The following FARP2 variants were observed in gnomAD, a reference collection of about 807,000 sequenced individuals.
FARP2 encodes FERM, ARHGEF and pleckstrin domain-containing protein 2.
A neutral mutation model predicts 130.5 loss-of-function variants in FARP2; 111 were observed. The ratio of observed to expected loss-of-function variants is 0.85; its 90% confidence interval spans 0.73 to 1.00. The LOEUF is 1.00. Among genes scored for constraint, FARP2 ranks in the 50% least tolerant of loss-of-function variants. The probability of loss-of-function intolerance (pLI) is 0.00; values close to 1 mark genes in which losing one functional copy is unlikely to be tolerated. For missense variants in FARP2, 1,385 were observed against 1,346.3 expected (o/e 1.03, Z -0.45); for synonymous variants, 504 against 516.9 (o/e 0.98, Z 0.34).
intron 1 of FARP2, among the ~76,000 whole-genome samples, chr2:241,357,287 T>C (rs1252875189): frequency 1.3e-5 from 2 of 152,236 alleles, no homozygotes. Flanking sequence ...AAATGTTTGA[T>C]AACCCTGAGG....
intron 19 of FARP2, chr2:241,478,373 T>G: frequency 1.0e-5 from 2 of 199,332 alleles, no homozygotes; most frequent in South Asian, 1.8e-4. Flanking sequence ...GGGGGCGACC[T>G]GTGCTGCTGC....
intron 18 of FARP2, among the ~76,000 whole-genome samples, chr2:241,472,175 C>A (rs1195704538): frequency 1.4e-5 from 2 of 147,342 alleles, no homozygotes; most frequent in Admixed American, 1.3e-4. Context: ...TTAGGGGGAT[C>A]CTGTTCTGAG....
chr2:241,456,956 G>T (rs758045934), intron 14 of FARP2, 34 bp downstream of exon 14: 16 of 1,534,882 alleles, frequency 1.0e-5, no homozygotes, highest in Middle Eastern at 1.9e-4. Context: ...CTAGCAGAGG[G>T]TTGCAGGGTG....
Position 241,356,845 on chromosome 2 carries a change from G to A in FARP2, c.-25+457G>A, listed in dbSNP as rs537806432. Among the ~76,000 whole-genome samples the A allele has an allele frequency of 4.6e-5, 7 of 152,394 alleles. No individual in the cohort carries two copies. In the South Asian group the frequency reaches 1.4e-3, roughly 32 times the overall value. On this transcript the variant is annotated intron_variant, in intron 1 of 26. Coordinates refer to ENST00000264042, the MANE Select transcript of FARP2 (RefSeq NM_014808.4). ...CAGGGTATGGGCCTGGAGGTGCCTG[G>A]TGGAGGCATTTTGAGCCGTTTGCCT... is the stretch of plus-strand genomic sequence containing the variant.
intron 2 of FARP2, among the ~76,000 whole-genome samples, chr2:241,402,107 A>G (rs907971877): frequency 6.6e-6 from 1 of 152,182 alleles, no homozygotes; most frequent in Non-Finnish European, 1.5e-5. Flanking sequence ...CCAATTCTTT[A>G]CTGAATTTGT....
intron 2 of FARP2, among the ~76,000 whole-genome samples, chr2:241,377,097 C>T (rs62193205): frequency 0.11 from 16,783 of 152,154 alleles, 1,179 homozygotes; most frequent in Non-Finnish European, 0.15. Context: ...TGGCCATATG[C>T]ACCTATCTTA....
Position 241,479,082 on chromosome 2 carries a change from G to C in FARP2, c.2262+3095G>C, listed in dbSNP as rs112732446. Reference sequence around the variant, plus strand: ...GTCCAGGAAGCTTGGCTGCGAGAAGGAACCTGCTTTTGATCATTTTTCTAG... The same window carrying C: ...GTCCAGGAAGCTTGGCTGCGAGAAGCAACCTGCTTTTGATCATTTTTCTAG... On this transcript the variant is annotated intron_variant, in intron 19 of 26. Coordinates refer to ENST00000264042, the MANE Select transcript of FARP2 (RefSeq NM_014808.4). 1,036 of 489,402 alleles carry C rather than the reference G, an allele frequency of 2.1e-3. 15 individuals are homozygous for C. The highest frequency in any genetic ancestry group is 0.018 in the African/African-American group (917 of 49,628). 30.3% of individuals were successfully genotyped at this position (489,402 alleles called of 1,614,324 possible). A position where few individuals can be genotyped will look rare whatever the true frequency, so the allele number is the denominator to read the frequency against.
Position 241,494,002 on chromosome 2 carries a change from C to T in FARP2, c.3048-6C>T. Reference sequence around the variant, plus strand: ...TCACTGGTCTGATGGCCGCCCTCTCCTCCAGGTGGATGGAGGTGATCCAGG... The same window carrying T: ...TCACTGGTCTGATGGCCGCCCTCTCTTCCAGGTGGATGGAGGTGATCCAGG... On this transcript the variant is annotated splice_polypyrimidine_tract_variant and splice_region_variant and intron_variant, in intron 26 of 26. Coordinates refer to ENST00000264042, the MANE Select transcript of FARP2 (RefSeq NM_014808.4). This position sits in a 1 kb window ranked among gnomAD's most constrained non-coding sequence, Gnocchi z 4.9. The T allele has an allele frequency of 1.4e-6, 2 of 1,387,630 alleles. No homozygotes were observed. The highest frequency in any genetic ancestry group is 5.5e-5 in the East Asian group (2 of 36,212). The allele number at this position is 1,387,630 out of a possible 1,614,324, so 86.0% of individuals were successfully genotyped here. A position where few individuals can be genotyped will look rare whatever the true frequency, so the allele number is the denominator to read the frequency against.
At chr2:241,374,605 G>C (rs1021734426) in intron 2 of FARP2, among the ~76,000 whole-genome samples, 2 of 152,212 alleles carry the variant, frequency 1.3e-5, no homozygotes, top group Admixed American at 6.5e-5. Context: ...CAGAGGAGGG[G>C]AGCTTGGTGG....
In FARP2 at chr2:241,413,302, C is replaced by A; in HGVS notation, c.509-5C>A. The A allele has an allele frequency of 6.3e-7, 1 of 1,575,762 alleles. No individual in the cohort carries two copies. Among genetic ancestry groups the A allele is most frequent in the South Asian group, 1.1e-5 (1 of 87,332 alleles). On this transcript the variant is annotated splice_region_variant and splice_polypyrimidine_tract_variant and intron_variant, in intron 6 of 26. Transcript: ENST00000264042. ...AATTAGTTACTTACTTTTAACCTATCTCAGCGGAAATAGGAGATTACGATG... is the reference window on the plus strand; with the variant it reads ...AATTAGTTACTTACTTTTAACCTATATCAGCGGAAATAGGAGATTACGATG...
At position 241,491,681 on chromosome 2, in the gene FARP2, T is replaced by C. The variant is rs780613900; in HGVS notation, c.2787+2T>C. 5.0e-6 allele frequency: 8 copies of C among 1,590,898 alleles called. No homozygotes were observed. In the South Asian group the frequency reaches 6.8e-5, roughly 13 times the overall value. On this transcript the variant is annotated splice_donor_variant, in intron 24 of 26. Transcript: ENST00000264042. LOFTEE classifies it high-confidence loss of function. ...GCAGACCACAGTGCAGCTGTCGAGG[T>C]ACGACCGCATGAGCACCACCTCAGT...
rs1017069654 is a variant in FARP2 at position 241,494,837 on chromosome 2, C to T, written c.*712C>T. On this transcript the variant is annotated 3_prime_UTR_variant, in exon 27 of 27. Coordinates refer to ENST00000264042, the MANE Select transcript of FARP2 (RefSeq NM_014808.4). This position sits in a 1 kb window ranked among gnomAD's most constrained non-coding sequence, Gnocchi z 4.9. ...GATTAAAAATAAACAAACAGCATCTCCCCACCTGCATTCTCCTCTGCCTGC... is the reference window on the plus strand; with the variant it reads ...GATTAAAAATAAACAAACAGCATCTTCCCACCTGCATTCTCCTCTGCCTGC... 6.6e-6 allele frequency: 1 copy of T among 152,206 alleles called. No homozygotes were observed. Among genetic ancestry groups the T allele is most frequent in the Non-Finnish European group, 1.5e-5 (1 of 68,044 alleles). The allele number at this position is 152,206 out of a possible 1,614,324, so 9.4% of individuals were successfully genotyped here. A position where few individuals can be genotyped will look rare whatever the true frequency, so the allele number is the denominator to read the frequency against.
chr2:241,456,258 C>T (rs1312671484), intron 13 of FARP2, among the ~76,000 whole-genome samples: 2 of 152,000 alleles, frequency 1.3e-5, no homozygotes, highest in African/African-American at 4.8e-5. Flanking sequence ...TTATATGATC[C>T]GTTTTTTAAT....
At chr2:241,454,863 A>G (rs1025643259) in intron 13 of FARP2, among the ~76,000 whole-genome samples, 6 of 152,378 alleles carry the variant, frequency 3.9e-5, no homozygotes, top group East Asian at 3.9e-4. Context: ...AAGCTCTGCT[A>G]TCATGAGCAC....
chr2:241,458,228 G>T (rs1214555895), intron 14 of FARP2, among the ~76,000 whole-genome samples: 1 of 152,138 alleles, frequency 6.6e-6, no homozygotes, highest in Non-Finnish European at 1.5e-5. Flanking sequence ...CACAGAGAAG[G>T]GAGACATGGG....
intron 18 of FARP2, among the ~76,000 whole-genome samples, chr2:241,474,874 T>C (rs1054750718): frequency 6.6e-6 from 1 of 151,998 alleles, no homozygotes; most frequent in Non-Finnish European, 1.5e-5. Context: ...CCATGAGTGA[T>C]TCCAGCAAGG....
chr2:241,360,282 A>G (rs1229034466), intron 1 of FARP2, among the ~76,000 whole-genome samples: 6 of 152,170 alleles, frequency 3.9e-5, no homozygotes, highest in African/African-American at 1.2e-4. Context: ...GCTTGAAGGT[A>G]TACAATTTGG....
At position 241,494,400 on chromosome 2, in the gene FARP2, T is replaced by C; in HGVS notation, c.*275T>C. Reference sequence around the variant, plus strand: ...AAGCCACAGCTCCCAGGCCCCTGGCTCAAAGACGCAGACAAGGCCTGAGCA... The same window carrying C: ...AAGCCACAGCTCCCAGGCCCCTGGCCCAAAGACGCAGACAAGGCCTGAGCA... On this transcript the variant is annotated 3_prime_UTR_variant, in exon 27 of 27. Transcript: ENST00000264042. This position sits in a 1 kb window ranked among gnomAD's most constrained non-coding sequence, Gnocchi z 4.9. 1 of 278,546 alleles carries C rather than the reference T, an allele frequency of 3.6e-6. No individual in the cohort carries two copies. Among genetic ancestry groups the C allele is most frequent in the Non-Finnish European group, 6.7e-6 (1 of 148,772 alleles). The allele number at this position is 278,546 out of a possible 1,614,324, so 17.3% of individuals were successfully genotyped here.
intron 2 of FARP2, among the ~76,000 whole-genome samples, chr2:241,402,491 G>A (rs1207251014): frequency 1.3e-5 from 2 of 151,922 alleles, no homozygotes; most frequent in African/African-American, 4.8e-5. Flanking sequence ...ATGTGTTTCT[G>A]TTCAGATGTT....
Sources: gnomAD v4.1 joint callset for allele counts (sites outside exome capture counted in the v4.1 genomes callset) on GRCh38, gnomAD v4.1.1 for gene constraint, Gnocchi (gnomAD v3.1) non-coding constraint, MANE v1.5 for transcripts, NCBI Gene and HGNC (gene_info 2026-07-23, HGNC 2026-07-21) for gene names.